DNAH8: variants seen among roughly 807,000 people sequenced by gnomAD.
The protein encoded by DNAH8 is dynein axonemal heavy chain 8.
Under a neutral mutation model 562.1 loss-of-function variants are expected in DNAH8, and 382 were observed. The ratio of observed to expected loss-of-function variants is 0.68; its 90% CI spans 0.63 to 0.74. The LOEUF (loss-of-function observed/expected upper bound fraction) is 0.74. Among genes scored for constraint, DNAH8 ranks in the 30% least tolerant of loss-of-function variants. DNAH8 has a pLI of 0.00. For missense variants in DNAH8, 5,203 were observed against 5,620.4 expected, an observed-to-expected ratio of 0.93 and a Z score of 2.37; for synonymous variants, 1,881 against 1,919.4, an observed-to-expected ratio of 0.98 and a Z score of 0.52.
chr6:38,724,754 A>C (rs1446500027), intron 3 of DNAH8, among the ~76,000 whole-genome samples: 2 of 152,148 alleles, frequency 1.3e-5, no homozygotes, highest in Non-Finnish European at 1.5e-5. Flanking sequence ...TAAAACTACC[A>C]CTAGGTTCTT....
chr6:38,814,071 A>T lies in DNAH8; in HGVS notation c.3275A>T (p.Gln1092Leu). Residue 1092 changes from glutamine (Q) to leucine (L), a missense_variant, in exon 25 of 93, where the codon CAG becomes CTG. This residue lies in a region of DNAH8 where 2,176 missense variants were observed against 2,365.1 expected (regional missense o/e 0.92). Coordinates refer to ENST00000327475, the MANE Select transcript of DNAH8 (RefSeq NM_001206927.2). ...IFVASLYGRK[Q>L]SEDIISFIKS... ...CATTGCAGCCTTTATGGGCGAAAGC[A>T]GTCAGAAGATATTATTTCCTTTATA... 2 of 1,593,396 alleles carry T rather than the reference A, an allele frequency of 1.3e-6. No individual in the cohort carries two copies. Among genetic ancestry groups the T allele is most frequent in the Non-Finnish European group, 1.7e-6 (2 of 1,162,636 alleles).
At position 38,873,164 on chromosome 6, in the gene DNAH8, G is replaced by GGAA. The variant is rs776368866; in HGVS notation, c.7479+24_7479+26dup. ...ATCTTACAGGTGGGGCAGAGAGATG[G>GGAA]GAAGAAGAACCCTCAGAGTCTCTCC... On this transcript the variant is annotated intron_variant, in intron 51 of 92. Transcript: ENST00000327475. The GGAA allele has an allele frequency of 1.9e-5, 30 of 1,613,114 alleles. No homozygotes were observed. The African/African-American group carries it at 3.9e-4, about 21-fold the overall frequency.
chr6:38,936,899 A>G (rs1783018395), intron 77 of DNAH8, among the ~76,000 whole-genome samples: 1 of 152,160 alleles, frequency 6.6e-6, no homozygotes, highest in African/African-American at 2.4e-5. Context: ...GTTCGCAGAT[A>G]TGGGAACTGT....
chr6:38,874,238 T>A (rs1583242739), intron 52 of DNAH8, among the ~76,000 whole-genome samples: 1 of 58,748 alleles, frequency 1.7e-5, no homozygotes, highest in South Asian at 9.8e-4. Flanking sequence ...CTTTCTCCCC[T>A]CCCTCCCCTT....
chr6:38,873,076 C>T lies in DNAH8; in HGVS notation c.7408C>T (p.Pro2470Ser). 6.8e-6 allele frequency: 11 copies of T among 1,614,086 alleles called. No individual in the cohort carries two copies. Among genetic ancestry groups the T allele is most frequent in the Non-Finnish European group, 9.3e-6 (11 of 1,179,996 alleles). ...FEVHNIENAS[P>S]ATVSRMGMVY... ...AGTCCACAATATCGAGAACGCCTCT[C>T]CTGCCACGGTTTCTAGGATGGGCAT... Residue 2470 changes from proline to serine, a missense_variant, in exon 51 of 93, where the codon CCT (proline) becomes TCT (serine). Physicochemically the swap from Pro to Ser is moderately conservative, Grantham distance 74. Transcript: ENST00000327475.
At chr6:38,903,957 T>C (rs1780260394) in intron 62 of DNAH8, among the ~76,000 whole-genome samples, 1 of 152,082 alleles carries the variant, frequency 6.6e-6, no homozygotes. Context: ...TGTAACCCCA[T>C]TGTTAAGCAA....
intron 12 of DNAH8, among the ~76,000 whole-genome samples, chr6:38,770,984 G>A (rs1001220895): frequency 3.9e-5 from 6 of 152,142 alleles, no homozygotes; most frequent in Non-Finnish European, 7.4e-5. Context: ...AACATTGTGC[G>A]GGTGATATCT....
At chr6:38,879,336 G>C (rs1006614627) in intron 53 of DNAH8, among the ~76,000 whole-genome samples, 1 of 151,872 alleles carries the variant, frequency 6.6e-6, no homozygotes, top group African/African-American at 2.4e-5. Flanking sequence ...TATTCCTCAG[G>C]AACATTGACG....
rs761139978 is a variant in DNAH8, at chr6:38,834,650, AC to A, written c.4365+10del. On this transcript the variant is annotated intron_variant, in intron 32 of 92. Transcript: ENST00000327475. ...GGCTACAGATATTTCAGGTGAAACC[AC>A]ATTTTTTTTGTTACATCGACAATGT... 1 of 1,600,892 alleles carries A rather than the reference AC, an allele frequency of 6.2e-7. No individual in the cohort carries two copies. The highest frequency in any genetic ancestry group is 1.1e-5 in the South Asian group (1 of 88,038).
At chr6:38,889,125 A>T (rs1358230747) in intron 57 of DNAH8, among the ~76,000 whole-genome samples, 1 of 152,242 alleles carries the variant, frequency 6.6e-6, no homozygotes, top group African/African-American at 2.4e-5. Flanking sequence ...AATAATCCAG[A>T]TATTTATCAC....
chr6:38,860,413 A>G (rs763593790), intron 42 of DNAH8, 44 bp from the exon 43 acceptor site: 46 of 1,160,734 alleles, frequency 4.0e-5, no homozygotes, highest in Non-Finnish European at 5.0e-5. Context: ...GTTTTATGCT[A>G]TTGCAATTCA....
At chr6:38,897,205 G>A (rs1268821239) in intron 60 of DNAH8, among the ~76,000 whole-genome samples, 2 of 152,090 alleles carry the variant, frequency 1.3e-5, no homozygotes, top group Non-Finnish European at 2.9e-5. Flanking sequence ...ATAAAAATAA[G>A]CAAAAGAATA....
rs1412262 is a variant in DNAH8, at chr6:38,981,724, A to G, written c.12835-622A>G. Reference sequence around the variant, plus strand: ...TAGAATAACAGTTCATTCAACAGGTATTTGTTGAGCATCTACTGCATTTTT... The same window carrying G: ...TAGAATAACAGTTCATTCAACAGGTGTTTGTTGAGCATCTACTGCATTTTT... On this transcript the variant is annotated intron_variant, in intron 85 of 92. Coordinates refer to ENST00000327475, the MANE Select transcript of DNAH8 (RefSeq NM_001206927.2). Among the ~76,000 whole-genome samples the G allele has an allele frequency of 6.0e-3, 915 of 152,338 alleles. 9 individuals carry two copies. The highest frequency in any genetic ancestry group is 0.021 in the African/African-American group (871 of 41,582).
At chr6:38,987,693 C>A (rs1370394047) in intron 87 of DNAH8, among the ~76,000 whole-genome samples, 3 of 152,184 alleles carry the variant, frequency 2.0e-5, no homozygotes, top group Admixed American at 2.0e-4. Context: ...GCACAACCTT[C>A]AGTGGCTTCA....
At chr6:38,725,736 C>T (rs570990914) in intron 3 of DNAH8, among the ~76,000 whole-genome samples, 74 of 152,246 alleles carry the variant, frequency 4.9e-4, no homozygotes, top group Non-Finnish European at 9.1e-4. Flanking sequence ...CTTAGAATGT[C>T]ACTATGCTTG....
At chr6:38,831,538 T>C (rs1464551425) in intron 30 of DNAH8, among the ~76,000 whole-genome samples, 1 of 152,084 alleles carries the variant, frequency 6.6e-6, no homozygotes, top group African/African-American at 2.4e-5. Context: ...CAGAAATAGA[T>C]TGTTCTATAC....
rs750376660 is a variant in DNAH8, at chr6:38,926,084, A to T, written c.10992A>T (p.Pro3664=). 10 of 1,613,694 alleles carry T rather than the reference A, an allele frequency of 6.2e-6. No homozygotes were observed. The African/African-American group carries it at 1.2e-4, about 19-fold the overall frequency. ...TIGEWGLQGL[P]GDDLSIQNGI... ...GTGAGTGGGGGCTACAGGGATTACC[A>T]GGAGATGATCTCTCAATTCAGAATG... The change falls in exon 74 of 93, where the codon CCA becomes CCT. Residue 3664 remains proline, a synonymous_variant. Transcript: ENST00000327475.
At chr6:38,787,084 G>A in intron 18 of DNAH8, 132 bp downstream of exon 18, 1 of 444,760 alleles carries the variant, frequency 2.2e-6, no homozygotes. Flanking sequence ...GTTGATTCTT[G>A]ATAGAATTAA....
chr6:38,789,587 A>G (rs1013352475), intron 18 of DNAH8, among the ~76,000 whole-genome samples: 2 of 152,184 alleles, frequency 1.3e-5, no homozygotes, highest in African/African-American at 2.4e-5. Context: ...AAAAATGAAG[A>G]TGTAGAAATT....
Sources: gnomAD v4.1 joint callset for allele counts (sites outside exome capture counted in the v4.1 genomes callset) on GRCh38, gnomAD v4.1.1 for gene constraint, gnomAD v4.1.1 regional missense constraint, MANE v1.5 for transcripts, NCBI Gene and HGNC (gene_info 2026-07-23, HGNC 2026-07-21) for gene names.